GRIN2A: variants seen among roughly 807,000 people sequenced by gnomAD.
GRIN2A encodes glutamate receptor ionotropic, NMDA 2A.
In GRIN2A, 22 loss-of-function variants were observed where a neutral mutation model predicts 113.4. That is an observed-to-expected ratio of 0.19 (90% CI 0.14 to 0.28). The LOEUF (loss-of-function observed/expected upper bound fraction) is 0.28. GRIN2A is among the 10% of genes least tolerant of loss of function. The pLI is 1.00. For missense variants in GRIN2A, 1,502 were observed against 1,887.0 expected (o/e 0.80, Z 3.78); for synonymous variants, 827 against 738.4 (o/e 1.12, Z -1.94).
intron 2 of GRIN2A, among the ~76,000 whole-genome samples, chr16:10,147,337 T>C (rs2049461571): frequency 1.3e-5 from 2 of 151,148 alleles, no homozygotes; most frequent in Admixed American, 6.6e-5. Flanking sequence ...AAGAATTAAT[T>C]GTAGAAGTGT....
At chr16:9,765,314 T>A (rs1900846929) in intron 12 of GRIN2A, among the ~76,000 whole-genome samples, 1 of 152,152 alleles carries the variant, frequency 6.6e-6, no homozygotes, top group African/African-American at 2.4e-5. Context: ...CAAGCTTTCA[T>A]TAAAGTTTCC....
intron 2 of GRIN2A, among the ~76,000 whole-genome samples, chr16:10,017,488 C>T (rs540896861): frequency 2.0e-5 from 3 of 151,996 alleles, no homozygotes; most frequent in East Asian, 3.9e-4. Flanking sequence ...TTGGTTTGTT[C>T]GGCTTATTTC....
intron 8 of GRIN2A, among the ~76,000 whole-genome samples, chr16:9,829,894 C>A (rs185224291): frequency 6.6e-6 from 1 of 151,934 alleles, no homozygotes; most frequent in Non-Finnish European, 1.5e-5. Context: ...AGAAAGGAAA[C>A]GAAAATGGTT....
At chr16:10,049,018 C>T (rs969452975) in intron 2 of GRIN2A, among the ~76,000 whole-genome samples, 6 of 152,154 alleles carry the variant, frequency 3.9e-5, no homozygotes, top group African/African-American at 1.4e-4. Context: ...CTATTTACCT[C>T]CCAGTCGTTG....
At chr16:9,895,473 T>C (rs994236240) in intron 3 of GRIN2A, among the ~76,000 whole-genome samples, 2 of 152,224 alleles carry the variant, frequency 1.3e-5, no homozygotes, top group East Asian at 1.9e-4. Context: ...AAGTACTATA[T>C]AGACTGAGTT....
intron 4 of GRIN2A, among the ~76,000 whole-genome samples, chr16:9,872,492 A>G (rs2043284477): frequency 6.6e-6 from 1 of 152,218 alleles, no homozygotes. Context: ...ATAACTTGAC[A>G]GATGTCCCAT....
rs117740669 is a variant in GRIN2A at position 9,889,337 on chromosome 16, G to A, written c.1122+1649C>T. On this transcript the variant is annotated intron_variant, in intron 4 of 12. Coordinates refer to ENST00000330684, the MANE Select transcript of GRIN2A (RefSeq NM_001134407.3). ...AGTCCCTCTTGCATTTTTAATATTGGCTTATTTGTGTTTTCTTTCTTTTGT... is the reference window on the plus strand; with the variant it reads ...AGTCCCTCTTGCATTTTTAATATTGACTTATTTGTGTTTTCTTTCTTTTGT... 7.5e-4 allele frequency among the ~76,000 whole-genome samples: 114 copies of A among 152,066 alleles called. 3 individuals are homozygous for A. In the East Asian group the frequency reaches 0.021, roughly 28 times the overall value.
intron 2 of GRIN2A, among the ~76,000 whole-genome samples, chr16:10,035,529 A>G (rs2047008670): frequency 6.6e-6 from 1 of 152,032 alleles, no homozygotes; most frequent in South Asian, 2.1e-4. Context: ...TCCCCTGTGA[A>G]GCTCTGCCTG....
At chr16:10,038,657 C>T (rs2141950441) in intron 2 of GRIN2A, among the ~76,000 whole-genome samples, 1 of 151,224 alleles carries the variant, frequency 6.6e-6, no homozygotes, top group African/African-American at 2.4e-5. Flanking sequence ...TCCTGGCTAA[C>T]ATGGTGAAAC....
intron 2 of GRIN2A, among the ~76,000 whole-genome samples, chr16:9,974,067 T>C (rs781064106): frequency 3.3e-5 from 5 of 152,214 alleles, no homozygotes; most frequent in Non-Finnish European, 5.9e-5. Flanking sequence ...TGTGACTATT[T>C]AAAGCACAAA....
chr16:9,894,606 G>A (rs1233838764), intron 3 of GRIN2A, among the ~76,000 whole-genome samples: 3 of 152,148 alleles, frequency 2.0e-5, no homozygotes, highest in Admixed American at 6.5e-5. Context: ...ACTGTTTAGT[G>A]GAGAACTGGA....
At chr16:10,023,085 T>C (rs1250847921) in intron 2 of GRIN2A, among the ~76,000 whole-genome samples, 2 of 152,114 alleles carry the variant, frequency 1.3e-5, no homozygotes, top group Non-Finnish European at 2.9e-5. Flanking sequence ...CCCAAGCCTG[T>C]AAAAAGAGGG....
intron 2 of GRIN2A, among the ~76,000 whole-genome samples, chr16:9,958,748 G>C (rs1424995819): frequency 1.3e-5 from 2 of 151,990 alleles, no homozygotes; most frequent in Non-Finnish European, 2.9e-5. Flanking sequence ...AACCTGAATA[G>C]CTTCATACCT....
chr16:10,133,657 G>A (rs1020101022), intron 2 of GRIN2A, among the ~76,000 whole-genome samples: 4 of 152,120 alleles, frequency 2.6e-5, no homozygotes, highest in African/African-American at 7.2e-5. Context: ...GAGCTCAGAT[G>A]TCTAAAATCT....
chr16:10,096,281 G>A (rs2048287139), intron 2 of GRIN2A, among the ~76,000 whole-genome samples: 1 of 152,016 alleles, frequency 6.6e-6, no homozygotes, highest in Admixed American at 6.6e-5. Context: ...TGGACCTGTG[G>A]GTACCAAAGT....
At chr16:9,990,539 C>T (rs1384714002) in intron 2 of GRIN2A, among the ~76,000 whole-genome samples, 2 of 140,680 alleles carry the variant, frequency 1.4e-5, no homozygotes, top group Admixed American at 7.5e-5. Context: ...GAATCTCTCT[C>T]TCTACACGCG....
chr16:9,829,785 G>A, intron 8 of GRIN2A, 133 bp from the exon 9 acceptor site: 1 of 697,006 alleles, frequency 1.4e-6, no homozygotes, highest in East Asian at 2.7e-5. Context: ...TGTGTCCTGT[G>A]ATTGCCCTAG....
intron 2 of GRIN2A, among the ~76,000 whole-genome samples, chr16:9,961,939 G>A (rs2045451386): frequency 6.6e-6 from 1 of 152,004 alleles, no homozygotes; most frequent in Admixed American, 6.6e-5. Flanking sequence ...ACAGAACAGA[G>A]CCCTCAGAAA....
At chr16:9,788,556 C>T (rs1295711429) in intron 11 of GRIN2A, among the ~76,000 whole-genome samples, 1 of 151,938 alleles carries the variant, frequency 6.6e-6, no homozygotes, top group South Asian at 2.1e-4. Flanking sequence ...TCATGCCTGG[C>T]CTTCTTTTCT....
Sources: gnomAD v4.1 joint callset for allele counts (sites outside exome capture counted in the v4.1 genomes callset) on GRCh38, gnomAD v4.1.1 for gene constraint, MANE v1.5 for transcripts, NCBI Gene and HGNC (gene_info 2026-07-23, HGNC 2026-07-21) for gene names.